GLYATL2: variants seen among roughly 807,000 people sequenced by gnomAD.
The protein encoded by GLYATL2 is glycine N-acyltransferase-like protein 2.
GLYATL2 carries 25 observed loss-of-function variants against 21.4 expected under a neutral mutation model. The ratio of observed to expected loss-of-function variants is 1.17; its 90% CI spans 0.85 to 1.63. GLYATL2 has a LOEUF of 1.63. Ranked by LOEUF, GLYATL2 falls within the 40% of genes most tolerant of loss-of-function variation. The pLI is 0.00. For missense variants in GLYATL2, 361 were observed against 343.3 expected (o/e 1.05, Z -0.41); for synonymous variants, 114 against 118.2 (o/e 0.96, Z 0.23).
chr11:58,905,625 A>G, upstream of GLYATL2: 1 of 456,266 alleles, frequency 2.2e-6, no homozygotes, highest in Non-Finnish European at 4.4e-6. Context: ...GCCGATGAGC[A>G]GGAAGAAGCA....
At chr11:58,904,536 AAAG>A (rs1447023876), upstream of GLYATL2, among the ~76,000 whole-genome samples, 1 of 152,230 alleles carries the variant, frequency 6.6e-6, no homozygotes. Flanking sequence ...TCTACAATGA[AAAG>A]AAGATCAAGT....
upstream of GLYATL2, chr11:58,905,739 A>AGGG: frequency 4.2e-4 from 1 of 2,366 alleles, no homozygotes. Flanking sequence ...CTGGACAAAT[A>AGGG]GGGAGGGTGG....
At chr11:58,890,792 T>C (rs1361595851) in intron 1 of GLYATL2, among the ~76,000 whole-genome samples, 2 of 151,984 alleles carry the variant, frequency 1.3e-5, no homozygotes, top group South Asian at 2.1e-4. Flanking sequence ...TTTTTTATTT[T>C]TGCTTTTTCC....
At chr11:58,900,774 C>T (rs1289305603) in intron 1 of GLYATL2, among the ~76,000 whole-genome samples, 1 of 152,102 alleles carries the variant, frequency 6.6e-6, no homozygotes, top group Non-Finnish European at 1.5e-5. Flanking sequence ...CAAAATGCAG[C>T]CTCCTAAGAG....
chr11:58,857,888 C>CAAAAAAA (rs545952478), intron 1 of GLYATL2, among the ~76,000 whole-genome samples: 4 of 108,466 alleles, frequency 3.7e-5, no homozygotes, highest in African/African-American at 1.1e-4. Flanking sequence ...TTTTCCCCTC[C>CAAAAAAA]AAAAAAAAAA....
At chr11:58,897,085 C>T (rs1854648389) in intron 1 of GLYATL2, among the ~76,000 whole-genome samples, 1 of 152,208 alleles carries the variant, frequency 6.6e-6, no homozygotes, top group African/African-American at 2.4e-5. Context: ...TCCCTTGACA[C>T]AGCAAACAGT....
At chr11:58,839,105 A>C (rs1181010465) in intron 2 of GLYATL2, among the ~76,000 whole-genome samples, 1 of 152,194 alleles carries the variant, frequency 6.6e-6, no homozygotes, top group African/African-American at 2.4e-5. Flanking sequence ...GAGAGGCAAA[A>C]TAAAAAAGGC....
At chr11:58,887,055 T>C (rs575127600) in intron 1 of GLYATL2, among the ~76,000 whole-genome samples, 52 of 152,360 alleles carry the variant, frequency 3.4e-4, no homozygotes, top group African/African-American at 1.2e-3. Flanking sequence ...AGTGTGATAT[T>C]CTAAATAATT....
chr11:58,886,870 G>T (rs557815299), intron 1 of GLYATL2, among the ~76,000 whole-genome samples: 1 of 152,312 alleles, frequency 6.6e-6, no homozygotes, highest in South Asian at 2.1e-4. Context: ...TCAGGATTGG[G>T]ATGCAGAAAG....
intron 1 of GLYATL2, among the ~76,000 whole-genome samples, chr11:58,862,610 T>G (rs1853951497): frequency 6.6e-6 from 1 of 152,210 alleles, no homozygotes; most frequent in Non-Finnish European, 1.5e-5. Flanking sequence ...CTATGAAATT[T>G]TCAGTTCAAC....
rs1217238835 is a variant in GLYATL2, at chr11:58,834,698, C to A, written c.616G>T (p.Gly206Cys). The change falls in exon 6 of 6, where the codon GGT (glycine) becomes TGT (cysteine). Residue 206 changes from glycine (G) to cysteine (C), a missense_variant. Physicochemically the swap from Gly to Cys is radical, Grantham distance 159. Coordinates refer to ENST00000287275, the MANE Select transcript of GLYATL2 (RefSeq NM_145016.4). ...CAAGAGACAAGCTGGCCCTCTGGAC[C>A]CAGCACACCAAATCCTAGAAAATCC... ...LQDFLGFGVL[G>C]PEGQLVSWIV... 1 of 1,613,496 alleles carries A rather than the reference C, an allele frequency of 6.2e-7. No individual in the cohort carries two copies.
intron 1 of GLYATL2, among the ~76,000 whole-genome samples, chr11:58,894,199 A>C (rs75176279): frequency 1.3e-5 from 2 of 152,160 alleles, no homozygotes; most frequent in Non-Finnish European, 2.9e-5. Flanking sequence ...CTGCTATCTT[A>C]AGGGGTCAGG....
chr11:58,882,948 G>T (rs1159537403), intron 1 of GLYATL2, among the ~76,000 whole-genome samples: 1 of 152,174 alleles, frequency 6.6e-6, no homozygotes, highest in Non-Finnish European at 1.5e-5. Context: ...ATGCTGTTTT[G>T]GTTACTGTAG....
intron 1 of GLYATL2, among the ~76,000 whole-genome samples, chr11:58,877,090 G>C (rs992974451): frequency 3.3e-5 from 5 of 152,236 alleles, no homozygotes; most frequent in Non-Finnish European, 5.9e-5. Flanking sequence ...TCTGTGCCTT[G>C]TGCAGGATAT....
At chr11:58,875,225 G>C (rs1438216518) in intron 1 of GLYATL2, among the ~76,000 whole-genome samples, 1 of 152,092 alleles carries the variant, frequency 6.6e-6, no homozygotes, top group African/African-American at 2.4e-5. Context: ...CACACTGATG[G>C]GTCTTGACTC....
In GLYATL2 at chr11:58,872,301, T is replaced by C. The variant is rs540871666; in HGVS notation, n.60+31855A>G. ...CTCTTTAGTTTAATTAGATCCCATT[T>C]GTCAATTTTGGCTTTCGTTGCCATT... On this transcript the variant is annotated intron_variant and non_coding_transcript_variant, in intron 1 of 4. Coordinates refer to the GLYATL2 transcript ENST00000533636. Among the ~76,000 whole-genome samples, 24 of 152,372 alleles carry C rather than the reference T, an allele frequency of 1.6e-4. No individual in the cohort carries two copies. In the East Asian group the frequency reaches 4.4e-3, roughly 28 times the overall value.
intron 1 of GLYATL2, among the ~76,000 whole-genome samples, chr11:58,873,134 T>C (rs1225609102): frequency 2.7e-5 from 4 of 150,912 alleles, no homozygotes; most frequent in Non-Finnish European, 4.4e-5. Flanking sequence ...CACATTGATT[T>C]TGTATCCTGA....
At chr11:58,882,224 A>G (rs1854349796) in intron 1 of GLYATL2, among the ~76,000 whole-genome samples, 1 of 152,178 alleles carries the variant, frequency 6.6e-6, no homozygotes, top group African/African-American at 2.4e-5. Flanking sequence ...CTATTTCTCC[A>G]CATCCTGTCC....
chr11:58,877,089 T>C (rs1385485442), intron 1 of GLYATL2, among the ~76,000 whole-genome samples: 1 of 152,206 alleles, frequency 6.6e-6, no homozygotes, highest in African/African-American at 2.4e-5. Context: ...CTCTGTGCCT[T>C]GTGCAGGATA....
Sources: gnomAD v4.1 joint callset for allele counts (sites outside exome capture counted in the v4.1 genomes callset) on GRCh38, gnomAD v4.1.1 for gene constraint, MANE v1.5 for transcripts, NCBI Gene and HGNC (gene_info 2026-07-23, HGNC 2026-07-21) for gene names.